Variants in CASR observed in about 807,000 individuals in gnomAD.
CASR encodes the protein calcium sensing receptor.
Under a neutral mutation model 69.1 loss-of-function variants are expected in CASR, and 23 were observed. That is an observed-to-expected ratio of 0.33 (90% CI 0.24 to 0.47). The LOEUF (loss-of-function observed/expected upper bound fraction) is 0.47, where lower values mean the gene tolerates loss of function less well. CASR is among the 20% of genes least tolerant of loss of function. The pLI is 1.00. For missense variants in CASR, 924 were observed against 1,356.1 expected, an observed-to-expected ratio of 0.68 and a Z score of 5.00; for synonymous variants, 541 against 544.7, an observed-to-expected ratio of 0.99 and a Z score of 0.10.
At chr3:122,245,192 C>T (rs1030921328) in intron 1 of CASR, among the ~76,000 whole-genome samples, 2 of 152,184 alleles carry the variant, frequency 1.3e-5, no homozygotes, top group Non-Finnish European at 2.9e-5. Context: ...GTGAATGCTC[C>T]ATAAATACTT....
chr3:122,261,612 C>A lies in CASR; in HGVS notation c.577C>A (p.Gln193Lys). Reference sequence around the variant, plus strand: ...CCGAACCATCCCCAATGATGAGCACCAGGCCACTGCCATGGCAGACATCAT... The same window carrying A: ...CCGAACCATCCCCAATGATGAGCACAAGGCCACTGCCATGGCAGACATCAT... ...FLRTIPNDEH[Q>K]ATAMADIIEY... Residue 193 changes from glutamine (Q) to lysine (K), a missense_variant, in exon 4 of 7, where the codon CAG becomes AAG. By Grantham distance (53) the Gln-to-Lys change is moderately conservative. Transcript: ENST00000639785. 3 of 1,614,202 alleles carry A rather than the reference C, an allele frequency of 1.9e-6. No homozygotes were observed. The highest frequency in any genetic ancestry group is 2.5e-6 in the Non-Finnish European group (3 of 1,179,998).
intron 1 of CASR, among the ~76,000 whole-genome samples, chr3:122,252,455 A>AAAT (rs879317403): frequency 9.9e-6 from 1 of 100,606 alleles, no homozygotes; most frequent in Non-Finnish European, 2.0e-5. Context: ...GAAAAAAAAG[A>AAAT]AAAGAAAGAA....
intron 1 of CASR, among the ~76,000 whole-genome samples, chr3:122,252,382 G>A (rs1239479333): frequency 5.2e-5 from 1 of 19,368 alleles, no homozygotes; most frequent in Non-Finnish European, 1.2e-4. Context: ...AAGGAAGGAA[G>A]GAAGGAAGGA....
chr3:122,252,403 G>GAAAA (rs1553765646), intron 1 of CASR, among the ~76,000 whole-genome samples: 1 of 13,696 alleles, frequency 7.3e-5, no homozygotes, highest in Non-Finnish European at 1.6e-4. Context: ...AGGAAGGAAG[G>GAAAA]AAGGAAAAAG....
intron 3 of CASR, among the ~76,000 whole-genome samples, chr3:122,258,357 CCT>C (rs2074579345): frequency 8.0e-6 from 1 of 125,574 alleles, no homozygotes; most frequent in Non-Finnish European, 1.7e-5. Flanking sequence ...TGGGAGGGCT[CCT>C]TTTTTTTTTT....
intron 1 of CASR, among the ~76,000 whole-genome samples, chr3:122,188,363 G>A (rs1238227735): frequency 6.6e-6 from 1 of 152,196 alleles, no homozygotes; most frequent in East Asian, 1.9e-4. Flanking sequence ...AAGAGGTGAA[G>A]CCTGAGATTC....
chr3:122,271,053 T>A (rs766542257), intron 4 of CASR, among the ~76,000 whole-genome samples: 26 of 152,230 alleles, frequency 1.7e-4, no homozygotes, highest in African/African-American at 3.1e-4. Context: ...TATATTTGTA[T>A]TGATTTTCTG....
intron 1 of CASR, among the ~76,000 whole-genome samples, chr3:122,217,376 C>T (rs1268775706): frequency 6.6e-6 from 1 of 152,144 alleles, no homozygotes; most frequent in Non-Finnish European, 1.5e-5. Flanking sequence ...GCTGGGATTA[C>T]AGGTGTGAGC....
intron 1 of CASR, among the ~76,000 whole-genome samples, chr3:122,246,168 C>T (rs558649337): frequency 2.0e-5 from 3 of 152,296 alleles, no homozygotes; most frequent in South Asian, 4.1e-4. Context: ...AGATTAATGA[C>T]CTGATGTGTC....
At chr3:122,201,364 G>T (rs1463058139) in intron 1 of CASR, among the ~76,000 whole-genome samples, 1 of 152,212 alleles carries the variant, frequency 6.6e-6, no homozygotes, top group East Asian at 1.9e-4. Context: ...ACCTTTCCCA[G>T]TACAGAACAA....
At chr3:122,201,362 C>T (rs1378570609) in intron 1 of CASR, among the ~76,000 whole-genome samples, 1 of 152,208 alleles carries the variant, frequency 6.6e-6, no homozygotes, top group East Asian at 1.9e-4. Flanking sequence ...GAACCTTTCC[C>T]AGTACAGAAC....
At chr3:122,205,951 A>C (rs1001834816) in intron 1 of CASR, among the ~76,000 whole-genome samples, 1 of 151,906 alleles carries the variant, frequency 6.6e-6, no homozygotes, top group Non-Finnish European at 1.5e-5. Flanking sequence ...TTCATTTGTC[A>C]GTTCTAATAG....
chr3:122,263,933 CCT>C (rs1260844017), intron 4 of CASR, among the ~76,000 whole-genome samples: 2 of 152,068 alleles, frequency 1.3e-5, no homozygotes, highest in African/African-American at 2.4e-5. Context: ...TTCTTTCTTA[CCT>C]CTCACGTCCA....
intron 1 of CASR, among the ~76,000 whole-genome samples, chr3:122,232,366 G>A (rs1323120194): frequency 1.3e-5 from 2 of 152,130 alleles, no homozygotes; most frequent in Non-Finnish European, 2.9e-5. Flanking sequence ...AACCAGGAGG[G>A]GCTTCCTTGA....
chr3:122,233,545 G>A (rs1430484539), intron 1 of CASR, among the ~76,000 whole-genome samples: 10 of 152,194 alleles, frequency 6.6e-5, no homozygotes, highest in East Asian at 1.9e-4. Context: ...GCAAGAGGGC[G>A]ACTTCACAGG....
At chr3:122,269,739 T>C (rs2074736444) in intron 4 of CASR, among the ~76,000 whole-genome samples, 3 of 152,192 alleles carry the variant, frequency 2.0e-5, no homozygotes, top group African/African-American at 7.2e-5. Context: ...TTGACTTCTT[T>C]TTTGATGTTC....
chr3:122,275,152 A>G (rs1187490878), intron 4 of CASR, among the ~76,000 whole-genome samples: 1 of 152,240 alleles, frequency 6.6e-6, no homozygotes, highest in Non-Finnish European at 1.5e-5. Context: ...GATATCTAAA[A>G]TGTTTACATG....
At chr3:122,200,537 G>A (rs2073938040) in intron 1 of CASR, among the ~76,000 whole-genome samples, 1 of 152,084 alleles carries the variant, frequency 6.6e-6, no homozygotes, top group African/African-American at 2.4e-5. Flanking sequence ...TTATATTCGT[G>A]AGAGTAATCC....
intron 1 of CASR, among the ~76,000 whole-genome samples, chr3:122,207,171 G>A (rs1187931424): frequency 6.6e-6 from 1 of 151,828 alleles, no homozygotes; most frequent in Non-Finnish European, 1.5e-5. Context: ...AGCTCTAAAG[G>A]GAGAGATAGA....
Sources: allele counts gnomAD v4.1 joint callset (sites outside exome capture counted in the v4.1 genomes callset), GRCh38; gene constraint gnomAD v4.1.1; transcripts MANE v1.5; gene names NCBI Gene and HGNC (gene_info 2026-07-23, HGNC 2026-07-21).